The following LIPH variants were observed in gnomAD, a reference collection of about 807,000 sequenced individuals.
LIPH encodes lipase member H.
Under a neutral mutation model 47.6 loss-of-function variants are expected in LIPH, and 32 were observed. That is an observed-to-expected ratio of 0.67 (90% CI 0.51 to 0.90). LIPH has a LOEUF of 0.90. LIPH is among the 40% of genes least tolerant of loss of function. The pLI is 0.00. For missense variants in LIPH, 497 were observed against 541.4 expected, an observed-to-expected ratio of 0.92 and a Z score of 0.81; for synonymous variants, 190 against 195.6, an observed-to-expected ratio of 0.97 and a Z score of 0.24.
chr3:185,548,494 G>A (rs1036304469), intron 1 of LIPH, among the ~76,000 whole-genome samples: 1 of 151,928 alleles, frequency 6.6e-6, no homozygotes, highest in African/African-American at 2.4e-5. Flanking sequence ...TTGGGAGGCC[G>A]AGGTAGGTGG....
chr3:185,534,320 C>T (rs1436549483), intron 2 of LIPH, among the ~76,000 whole-genome samples: 1 of 151,638 alleles, frequency 6.6e-6, no homozygotes, highest in African/African-American at 2.4e-5. Context: ...CACACCACTG[C>T]ACTCCAGCCT....
chr3:185,529,836 G>A (rs1720254644), intron 3 of LIPH, among the ~76,000 whole-genome samples: 1 of 151,222 alleles, frequency 6.6e-6, no homozygotes, highest in African/African-American at 2.4e-5. Context: ...GTTGCAGTGA[G>A]CCATGATTGT....
At chr3:185,540,697 G>A (rs543480877) in intron 1 of LIPH, among the ~76,000 whole-genome samples, 4 of 146,406 alleles carry the variant, frequency 2.7e-5, no homozygotes, top group South Asian at 4.3e-4. Context: ...TAACCTGGGC[G>A]ACAGAGCAAG....
intron 3 of LIPH, among the ~76,000 whole-genome samples, chr3:185,532,743 T>C (rs1720372939): frequency 6.6e-6 from 1 of 151,954 alleles, no homozygotes; most frequent in Admixed American, 6.6e-5. Context: ...TGACCCGAGA[T>C]TGCACCACTG....
At chr3:185,530,948 G>A (rs557725638) in intron 3 of LIPH, among the ~76,000 whole-genome samples, 1 of 152,292 alleles carries the variant, frequency 6.6e-6, no homozygotes, top group African/African-American at 2.4e-5. Context: ...TAAAACATCT[G>A]AAGCAGGACA....
intron 1 of LIPH, 130 bp from the exon 2 acceptor site, chr3:185,535,262 T>C (rs1560167892): frequency 4.8e-6 from 5 of 1,031,236 alleles, no homozygotes; most frequent in South Asian, 4.0e-5. Flanking sequence ...CTGGATCCAG[T>C]TGAATGAAGT....
At chr3:185,516,170 T>TG (rs1341560566) in intron 7 of LIPH, among the ~76,000 whole-genome samples, 1 of 151,972 alleles carries the variant, frequency 6.6e-6, no homozygotes, top group Non-Finnish European at 1.5e-5. Flanking sequence ...TGGTGGCTGA[T>TG]GCCTGTAATC....
intron 3 of LIPH, among the ~76,000 whole-genome samples, chr3:185,531,649 C>T (rs1304168730): frequency 2.0e-5 from 3 of 151,724 alleles, no homozygotes; most frequent in East Asian, 1.9e-4. Context: ...GGGGGACCAC[C>T]GCAGGAGGAT....
At chr3:185,539,533 G>A (rs1369367214) in intron 1 of LIPH, among the ~76,000 whole-genome samples, 2 of 151,470 alleles carry the variant, frequency 1.3e-5, no homozygotes, top group African/African-American at 2.4e-5. Context: ...ACCACGCTAA[G>A]CTAATTTTTG....
chr3:185,526,190 C>T (rs773693851), intron 4 of LIPH, among the ~76,000 whole-genome samples: 2 of 151,832 alleles, frequency 1.3e-5, no homozygotes, highest in Non-Finnish European at 2.9e-5. Context: ...TAGCGAGACC[C>T]CCATCTCTAC....
intron 3 of LIPH, among the ~76,000 whole-genome samples, chr3:185,528,932 G>T (rs1237752203): frequency 6.6e-6 from 1 of 151,496 alleles, no homozygotes; most frequent in African/African-American, 2.4e-5. Context: ...GGGAGGCCGA[G>T]GTGGGCGGAT....
At chr3:185,546,194 A>G (rs538103508) in intron 1 of LIPH, among the ~76,000 whole-genome samples, 8 of 151,400 alleles carry the variant, frequency 5.3e-5, no homozygotes, top group Non-Finnish European at 1.0e-4. Context: ...ATAAATAAAA[A>G]TACAAAAATT....
chr3:185,528,597 T>C (rs1321436240), intron 3 of LIPH, among the ~76,000 whole-genome samples: 1 of 152,132 alleles, frequency 6.6e-6, no homozygotes, highest in Non-Finnish European at 1.5e-5. Context: ...ACCACTTCTA[T>C]CTGTTGAACT....
At chr3:185,533,094 A>C (rs969219390) in intron 3 of LIPH, among the ~76,000 whole-genome samples, 1 of 152,180 alleles carries the variant, frequency 6.6e-6, no homozygotes, top group Admixed American at 6.5e-5. Context: ...GACCTACTGC[A>C]TTTCTGAAGG....
intron 3 of LIPH, among the ~76,000 whole-genome samples, chr3:185,529,872 A>C (rs1346318740): frequency 6.6e-6 from 1 of 150,884 alleles, no homozygotes; most frequent in Non-Finnish European, 1.5e-5. Context: ...CCCAGGCGAC[A>C]GACCAAGCAA....
At chr3:185,521,448 G>A (rs1719897701) in intron 5 of LIPH, among the ~76,000 whole-genome samples, 1 of 152,176 alleles carries the variant, frequency 6.6e-6, no homozygotes, top group African/African-American at 2.4e-5. Flanking sequence ...TTAACTGGAA[G>A]CCTGGTTCTT....
intron 1 of LIPH, among the ~76,000 whole-genome samples, chr3:185,549,416 G>A (rs1452813746): frequency 6.6e-6 from 1 of 152,148 alleles, no homozygotes; most frequent in Non-Finnish European, 1.5e-5. Flanking sequence ...TCATTCTAGA[G>A]GATTGCAAAT....
In LIPH at chr3:185,508,628, A is replaced by T. The variant is rs1007222369; in HGVS notation, c.*162T>A. ...TTCCCAGGATCGTTTTATAATCACA[A>T]GGTTGTTTGATGTACAATGTGACAT... On this transcript the variant is annotated 3_prime_UTR_variant, in exon 10 of 10. Coordinates refer to ENST00000296252, the MANE Select transcript of LIPH (RefSeq NM_139248.3). 17 of 657,042 alleles carry T rather than the reference A, an allele frequency of 2.6e-5. No individual in the cohort carries two copies. Among genetic ancestry groups the T allele is most frequent in the East Asian group, 1.1e-4 (4 of 36,154 alleles). 40.7% of individuals were successfully genotyped at this position (657,042 alleles called of 1,614,324 possible). A position where few individuals can be genotyped will look rare whatever the true frequency, so the allele number is the denominator to read the frequency against.
chr3:185,525,934 G>A (rs150128034), intron 4 of LIPH, among the ~76,000 whole-genome samples: 3 of 152,214 alleles, frequency 2.0e-5, no homozygotes, highest in East Asian at 3.9e-4. Flanking sequence ...GAGAATGTCC[G>A]ATTAAATGAC....
Sources: gnomAD v4.1 joint callset for allele counts (sites outside exome capture counted in the v4.1 genomes callset) on GRCh38, gnomAD v4.1.1 for gene constraint, MANE v1.5 for transcripts, NCBI Gene and HGNC (gene_info 2026-07-23, HGNC 2026-07-21) for gene names.